The following CDH12 variants were observed in gnomAD, a reference collection of about 807,000 sequenced individuals.
The protein encoded by CDH12 is cadherin-12.
A neutral mutation model predicts 74.1 loss-of-function variants in CDH12; 41 were observed. That is an observed-to-expected ratio of 0.55 (90% CI 0.43 to 0.72). The LOEUF is 0.72. CDH12 is among the 30% of genes least tolerant of loss of function. CDH12 has a pLI of 0.00. For missense variants in CDH12, 945 were observed against 977.2 expected (o/e 0.97, Z 0.44); for synonymous variants, 399 against 355.0 (o/e 1.12, Z -1.39).
chr5:22,456,107 T>TTATATATATATATATATATATATATA (rs36020133), intron 2 of CDH12, among the ~76,000 whole-genome samples: 28 of 147,872 alleles, frequency 1.9e-4, no homozygotes, highest in African/African-American at 7.0e-4. Flanking sequence ...CATGTGGATA[T>TTATATATATATATATATATATATATA]TATATATATA....
intron 1 of CDH12, among the ~76,000 whole-genome samples, chr5:22,842,381 T>G (rs1737117168): frequency 6.6e-6 from 1 of 152,096 alleles, no homozygotes; most frequent in Non-Finnish European, 1.5e-5. Flanking sequence ...CAGTAGGTTG[T>G]AGTGTCTGAG....
At chr5:21,917,514 T>C (rs1352947074) in intron 6 of CDH12, among the ~76,000 whole-genome samples, 1 of 152,234 alleles carries the variant, frequency 6.6e-6, no homozygotes, top group Non-Finnish European at 1.5e-5. Flanking sequence ...GAGTTTTCAT[T>C]CATGTTTACC....
chr5:22,786,867 T>C (rs994198056), intron 1 of CDH12, among the ~76,000 whole-genome samples: 1 of 151,920 alleles, frequency 6.6e-6, no homozygotes, highest in East Asian at 1.9e-4. Context: ...TACAGATGCA[T>C]GCCACCACAT....
intron 6 of CDH12, among the ~76,000 whole-genome samples, chr5:21,890,073 A>G (rs1243341166): frequency 1.3e-5 from 2 of 152,192 alleles, no homozygotes; most frequent in African/African-American, 4.8e-5. Context: ...ACTTAAATGA[A>G]TCAACTTCAG....
chr5:22,543,170 C>T (rs1186618252), intron 1 of CDH12, among the ~76,000 whole-genome samples: 2 of 152,002 alleles, frequency 1.3e-5, no homozygotes, highest in Non-Finnish European at 2.9e-5. Context: ...AAAATGCCTA[C>T]CCCATTTACA....
At position 22,305,088 on chromosome 5, in the gene CDH12, C is replaced by A. The variant is rs116760725; in HGVS notation, c.-332-92445G>T. ...TAAACAGAATAATTTTTTTAAAAGC[C>A]TCTAAAATATATCTATAACATAAAC... On this transcript the variant is annotated intron_variant, in intron 3 of 14. Transcript: ENST00000382254. Among the ~76,000 whole-genome samples the A allele has an allele frequency of 2.9e-3, 398 of 135,452 alleles. 1 individual carries two copies. Among genetic ancestry groups the A allele is most frequent in the Non-Finnish European group, 3.1e-3 (197 of 64,090 alleles). The allele number at this position is 135,452 out of a possible 152,430, so 88.9% of individuals were successfully genotyped here.
chr5:22,811,354 G>C (rs1252509331), intron 1 of CDH12, among the ~76,000 whole-genome samples: 1 of 152,142 alleles, frequency 6.6e-6, no homozygotes, highest in Non-Finnish European at 1.5e-5. Flanking sequence ...CAGATGCCCT[G>C]TATGGGGATT....
chr5:22,393,186 G>C (rs992343094), intron 3 of CDH12, among the ~76,000 whole-genome samples: 6 of 152,060 alleles, frequency 3.9e-5, no homozygotes, highest in African/African-American at 1.4e-4. Flanking sequence ...CCAAGACAAA[G>C]GTAGAGGGAA....
intron 2 of CDH12, among the ~76,000 whole-genome samples, chr5:22,491,900 CGAT>C (rs1265908040): frequency 6.6e-6 from 1 of 152,152 alleles, no homozygotes; most frequent in Non-Finnish European, 1.5e-5. Flanking sequence ...CCTGTCTTCA[CGAT>C]GTCTTCTCTC....
chr5:22,811,563 C>T (rs1749150042), intron 1 of CDH12, among the ~76,000 whole-genome samples: 1 of 152,114 alleles, frequency 6.6e-6, no homozygotes, highest in Admixed American at 6.5e-5. Context: ...TTACTCCTAC[C>T]TGATAGAGAT....
At chr5:22,061,576 C>T (rs1281086391) in intron 5 of CDH12, among the ~76,000 whole-genome samples, 2 of 152,228 alleles carry the variant, frequency 1.3e-5, no homozygotes, top group South Asian at 2.1e-4. Flanking sequence ...TGTGGCCTTT[C>T]TCAGGATTCT....
At chr5:22,093,408 A>G (rs962136193) in intron 4 of CDH12, among the ~76,000 whole-genome samples, 1 of 152,232 alleles carries the variant, frequency 6.6e-6, no homozygotes, top group African/African-American at 2.4e-5. Context: ...TCATTTACAT[A>G]ACACCATGCA....
In CDH12 at chr5:21,886,485, G is replaced by A. The variant is rs1206261444; in HGVS notation, c.527-31695C>T. On this transcript the variant is annotated intron_variant, in intron 6 of 14. Coordinates refer to ENST00000382254, the MANE Select transcript of CDH12 (RefSeq NM_004061.5). ...TTCCTCATATATATGAGGAAAAATA[G>A]TAAAGAAATAGAACAAAACCTCAAA... Among the ~76,000 whole-genome samples the A allele has an allele frequency of 2.1e-5, 3 of 145,774 alleles. No homozygotes were observed. The Admixed American group carries it at 2.1e-4, about 10-fold the overall frequency.
At chr5:22,078,259 G>T (rs1486913203) in intron 5 of CDH12, among the ~76,000 whole-genome samples, 187 bp downstream of exon 5, 1 of 152,006 alleles carries the variant, frequency 6.6e-6, no homozygotes, top group Non-Finnish European at 1.5e-5. Context: ...AAAGCAAAGA[G>T]GGTTTAAATG....
intron 3 of CDH12, among the ~76,000 whole-genome samples, chr5:22,325,652 C>T (rs926925792): frequency 6.6e-6 from 1 of 151,944 alleles, no homozygotes; most frequent in South Asian, 2.1e-4. Context: ...TTTGGGAGGC[C>T]GAGGCGGGCG....
At chr5:21,833,251 A>ATTATATAACATATAATATATATG (rs1749265749) in intron 8 of CDH12, among the ~76,000 whole-genome samples, 4 of 13,218 alleles carry the variant, frequency 3.0e-4, no homozygotes, top group Non-Finnish European at 2.9e-4. Flanking sequence ...TATATTATAT[A>ATTATATAACATATAATATATATG]TTATATAACA....
At chr5:21,806,095 G>A (rs1579737444) in intron 9 of CDH12, among the ~76,000 whole-genome samples, 2 of 152,226 alleles carry the variant, frequency 1.3e-5, no homozygotes, top group African/African-American at 4.8e-5. Context: ...ATACTCAATT[G>A]TTCTACAGAG....
At chr5:22,256,171 G>C (rs550513277) in intron 3 of CDH12, among the ~76,000 whole-genome samples, 4 of 152,218 alleles carry the variant, frequency 2.6e-5, no homozygotes, top group African/African-American at 7.2e-5. Flanking sequence ...TATTCAACAT[G>C]ACTTTATTGT....
At chr5:21,766,845 G>A (rs952198551) in intron 11 of CDH12, among the ~76,000 whole-genome samples, 1 of 151,758 alleles carries the variant, frequency 6.6e-6, no homozygotes, top group Admixed American at 6.6e-5. Flanking sequence ...AGACTTTACA[G>A]CAACTATGAT....
Sources: allele counts gnomAD v4.1 joint callset (sites outside exome capture counted in the v4.1 genomes callset), GRCh38; gene constraint gnomAD v4.1.1; transcripts MANE v1.5; gene names NCBI Gene and HGNC (gene_info 2026-07-23, HGNC 2026-07-21).